Variants in IQCM observed in about 807,000 individuals in gnomAD.
IQCM encodes IQ motif containing M, also known as IQ domain-containing protein M.
Under a neutral mutation model 57.6 loss-of-function variants are expected in IQCM, and 45 were observed. The ratio of observed to expected loss-of-function variants is 0.78; its 90% CI spans 0.62 to 1.00. The LOEUF (loss-of-function observed/expected upper bound fraction) is 1.00. Ranked by LOEUF, IQCM falls within the 50% of genes least tolerant of loss-of-function variation. The pLI, the probability that IQCM is intolerant of heterozygous loss-of-function variation, is 0.00. For synonymous variants in IQCM, 148 were observed against 158.9 expected, an observed-to-expected ratio of 0.93 and a Z score of 0.51; for missense variants, 468 against 511.6, an observed-to-expected ratio of 0.91 and a Z score of 0.82.
rs151120687 is a variant in IQCM, at chr4:149,531,164, T to G, written c.1228+17291A>C. On this transcript the variant is annotated intron_variant, in intron 12 of 13. Transcript: ENST00000636793. ...TACATGATAAATTTACTATATTGAT[T>G]GTATGATAAGATTCTATGAAGAACT... is the stretch of plus-strand genomic sequence containing the variant. Among the ~76,000 whole-genome samples the G allele has an allele frequency of 2.7e-3, 411 of 152,264 alleles. 3 individuals carry two copies. The highest frequency in any genetic ancestry group is 9.6e-3 in the African/African-American group (399 of 41,546).
chr4:149,628,567 T>C (rs1372148212), intron 7 of IQCM, among the ~76,000 whole-genome samples: 1 of 151,910 alleles, frequency 6.6e-6, no homozygotes, highest in Non-Finnish European at 1.5e-5. Flanking sequence ...AAAATAAATA[T>C]CCATCAAAGG....
intron 13 of IQCM, among the ~76,000 whole-genome samples, chr4:149,404,407 C>T (rs192998445): frequency 6.6e-6 from 1 of 152,184 alleles, no homozygotes; most frequent in Admixed American, 6.5e-5. Context: ...CAGATGGAAA[C>T]TCACAGAAAA....
chr4:149,751,495 AC>A (rs1406580065), intron 2 of IQCM, among the ~76,000 whole-genome samples: 2 of 152,086 alleles, frequency 1.3e-5, no homozygotes, highest in African/African-American at 2.4e-5. Context: ...CGGCTTTAAA[AC>A]TTAAGGTCCT....
intron 13 of IQCM, among the ~76,000 whole-genome samples, chr4:149,356,381 T>G (rs1728980964): frequency 6.6e-6 from 1 of 152,210 alleles, no homozygotes; most frequent in Admixed American, 6.5e-5. Flanking sequence ...GTTTTAGGTC[T>G]AACATTTAAG....
At chr4:149,583,322 T>C (rs561765643) in intron 9 of IQCM, among the ~76,000 whole-genome samples, 1 of 151,702 alleles carries the variant, frequency 6.6e-6, no homozygotes, top group South Asian at 2.1e-4. Context: ...CTTATATCAA[T>C]AATTAAAGCA....
intron 3 of IQCM, among the ~76,000 whole-genome samples, chr4:149,738,222 A>G (rs113753762): frequency 1.5e-3 from 222 of 152,286 alleles, no homozygotes; most frequent in Non-Finnish European, 2.9e-3. Flanking sequence ...TGCTTTTCCC[A>G]GTGCCATGTA....
At chr4:149,716,155 CAGCACCCAAGCTGT>C (rs1764976245) in intron 5 of IQCM, among the ~76,000 whole-genome samples, 1 of 152,220 alleles carries the variant, frequency 6.6e-6, no homozygotes, top group African/African-American at 2.4e-5. Context: ...ACAGCACCCA[CAGCACCCAAGCTGT>C]TCATGCCAAG....
intron 13 of IQCM, among the ~76,000 whole-genome samples, chr4:149,390,704 T>A (rs1731790380): frequency 6.6e-6 from 1 of 151,974 alleles, no homozygotes; most frequent in South Asian, 2.1e-4. Flanking sequence ...TTTATTAATA[T>A]TGTATAACGC....
intron 11 of IQCM, among the ~76,000 whole-genome samples, chr4:149,550,837 T>C (rs1748960027): frequency 6.6e-6 from 1 of 152,206 alleles, no homozygotes; most frequent in African/African-American, 2.4e-5. Flanking sequence ...TTCCCCTCAA[T>C]GTAAATGGAT....
intron 12 of IQCM, among the ~76,000 whole-genome samples, chr4:149,467,781 G>C (rs896796561): frequency 2.0e-5 from 3 of 152,180 alleles, no homozygotes; most frequent in Non-Finnish European, 4.4e-5. Context: ...AGACACAGCA[G>C]TGAGGTTGCT....
At chr4:149,696,985 C>A (rs186537717) in intron 5 of IQCM, among the ~76,000 whole-genome samples, 1 of 152,130 alleles carries the variant, frequency 6.6e-6, no homozygotes, top group Non-Finnish European at 1.5e-5. Flanking sequence ...ATCATTATCT[C>A]TTTCCTAGAT....
chr4:149,689,885 C>A lies in IQCM; in HGVS notation c.386-3417G>T, dbSNP rs568960256. On this transcript the variant is annotated intron_variant, in intron 5 of 13. Transcript: ENST00000636793. ...AAATCAAAACCACAATGTGAAAGAA[C>A]AGCCATAATCAAAAAATTAAAAACA... is the stretch of plus-strand genomic sequence containing the variant. Among the ~76,000 whole-genome samples, 8 of 151,500 alleles carry A rather than the reference C, an allele frequency of 5.3e-5. No homozygotes were observed. In the East Asian group the frequency reaches 1.4e-3, roughly 26 times the overall value.
At chr4:149,803,754 GT>G (rs1331297451) in intron 2 of IQCM, among the ~76,000 whole-genome samples, 2 of 151,816 alleles carry the variant, frequency 1.3e-5, no homozygotes, top group Non-Finnish European at 2.9e-5. Flanking sequence ...TTTTGCTAGT[GT>G]TTTTGTTTTT....
chr4:149,803,163 C>T (rs1007351227), intron 2 of IQCM, among the ~76,000 whole-genome samples: 2 of 151,928 alleles, frequency 1.3e-5, no homozygotes, highest in African/African-American at 2.4e-5. Flanking sequence ...TGGTATGGAA[C>T]GTCATTAAAG....
chr4:149,678,098 A>G (rs529810875), intron 7 of IQCM, among the ~76,000 whole-genome samples: 2 of 152,004 alleles, frequency 1.3e-5, no homozygotes, highest in African/African-American at 4.8e-5. Flanking sequence ...AGCAAGAGCA[A>G]AGGGTAGAAA....
intron 9 of IQCM, among the ~76,000 whole-genome samples, chr4:149,565,045 G>A (rs534375547): frequency 1.2e-4 from 18 of 151,900 alleles, no homozygotes; most frequent in Non-Finnish European, 2.4e-4. Flanking sequence ...TAGTTCTCTT[G>A]CAATTTTTGG....
intron 12 of IQCM, among the ~76,000 whole-genome samples, chr4:149,525,961 G>T (rs9991562): frequency 6.6e-6 from 1 of 151,476 alleles, no homozygotes; most frequent in Non-Finnish European, 1.5e-5. Flanking sequence ...GAAGAGCTAC[G>T]TATATATGAA....
chr4:149,440,064 C>G (rs1000821726), intron 12 of IQCM, among the ~76,000 whole-genome samples: 2 of 147,772 alleles, frequency 1.4e-5, no homozygotes, highest in African/African-American at 5.0e-5. Flanking sequence ...TCTAGCGATT[C>G]TCCTGCATCA....
At chr4:149,781,488 C>T (rs1423573063) in intron 2 of IQCM, among the ~76,000 whole-genome samples, 1 of 152,110 alleles carries the variant, frequency 6.6e-6, no homozygotes, top group African/African-American at 2.4e-5. Flanking sequence ...TATCACAACG[C>T]TTGTGTTCAA....
Sources: gnomAD v4.1 joint callset for allele counts (sites outside exome capture counted in the v4.1 genomes callset) on GRCh38, gnomAD v4.1.1 for gene constraint, MANE v1.5 for transcripts, NCBI Gene and HGNC (gene_info 2026-07-23, HGNC 2026-07-21) for gene names.